The following GLIS3 variants were observed in gnomAD, a reference collection of about 807,000 sequenced individuals.
GLIS3 encodes the protein GLIS family zinc finger 3, also known as zinc finger protein GLIS3.
In GLIS3, 53 loss-of-function variants were observed where a neutral mutation model predicts 78.6. That is an observed-to-expected ratio of 0.67 (90% confidence interval 0.54 to 0.85). The LOEUF (loss-of-function observed/expected upper bound fraction) is 0.85. GLIS3 is among the 40% of genes least tolerant of loss of function. GLIS3 has a pLI of 0.00. For synonymous variants in GLIS3, 684 were observed against 509.9 expected (o/e 1.34, Z -4.60); for missense variants, 1,703 against 1,231.1 (o/e 1.38, Z -5.74).
chr9:4,400,498 C>T, the GLIS3 span, among the ~76,000 whole-genome samples: 1 of 152,182 alleles, frequency 6.6e-6, no homozygotes, highest in South Asian at 2.1e-4. Context: ...AACCTTTGTT[C>T]CTCTGATTAT....
At chr9:4,114,230 G>A (rs1431426494) in intron 4 of GLIS3, among the ~76,000 whole-genome samples, 3 of 152,092 alleles carry the variant, frequency 2.0e-5, no homozygotes, top group Non-Finnish European at 2.9e-5. Context: ...CACACTTACT[G>A]GGCACCGTTA....
At chr9:4,221,435 A>G (rs371256416) in intron 2 of GLIS3, among the ~76,000 whole-genome samples, 2 of 152,244 alleles carry the variant, frequency 1.3e-5, no homozygotes. Flanking sequence ...AAACATGTGC[A>G]AAACACATGT....
At chr9:4,339,981 G>T (rs1224135293) in intron 2 of GLIS3, among the ~76,000 whole-genome samples, 1 of 150,914 alleles carries the variant, frequency 6.6e-6, no homozygotes, top group Non-Finnish European at 1.5e-5. Flanking sequence ...TCTCTCATTT[G>T]GTATTGACCA....
At chr9:3,860,239 C>A (rs1054304051) in intron 8 of GLIS3, among the ~76,000 whole-genome samples, 4 of 114,890 alleles carry the variant, frequency 3.5e-5, no homozygotes, top group Non-Finnish European at 6.7e-5. Context: ...AGTGACACTG[C>A]ACTCCAGCCT....
At chr9:4,408,590 G>A in the GLIS3 span, among the ~76,000 whole-genome samples, 23 of 149,626 alleles carry the variant, frequency 1.5e-4, no homozygotes, top group East Asian at 5.9e-4. Flanking sequence ...AGCCGGGCGC[G>A]GTGGCGGGCG....
At chr9:4,416,252 T>TTTTAAAAAAAAAAA in the GLIS3 span, among the ~76,000 whole-genome samples, 1 of 75,840 alleles carries the variant, frequency 1.3e-5, no homozygotes, top group African/African-American at 5.3e-5. Context: ...ACACTGTTTT[T>TTTTAAAAAAAAAAA]AAAAAAAAAA....
At chr9:4,016,472 C>G (rs1421309793) in intron 4 of GLIS3, among the ~76,000 whole-genome samples, 1 of 152,138 alleles carries the variant, frequency 6.6e-6, no homozygotes, top group Non-Finnish European at 1.5e-5. Flanking sequence ...AACAAAGGGA[C>G]TTGATGAGCT....
rs114784937 is a variant in GLIS3, at chr9:4,219,874, C to T, written c.388+66164G>A. On this transcript the variant is annotated intron_variant, in intron 2 of 10. Transcript: ENST00000381971. ...CTGAGAGAGCCTAGAAGCAATGACA[C>T]CTTAGTAGCAATAAGCACACCCAGC... 5.3e-3 allele frequency among the ~76,000 whole-genome samples: 801 copies of T among 152,200 alleles called. 4 individuals are homozygous for T. Among genetic ancestry groups the T allele is most frequent in the African/African-American group, 0.019 (778 of 41,506 alleles).
chr9:3,832,556 T>A (rs1818109965), intron 9 of GLIS3, among the ~76,000 whole-genome samples: 1 of 152,136 alleles, frequency 6.6e-6, no homozygotes, highest in Non-Finnish European at 1.5e-5. Flanking sequence ...CATGTCTGAG[T>A]GGTTTGAGGG....
intron 2 of GLIS3, among the ~76,000 whole-genome samples, chr9:4,261,895 C>T (rs1445766336): frequency 6.6e-6 from 1 of 152,196 alleles, no homozygotes; most frequent in Non-Finnish European, 1.5e-5. Context: ...AATTATAGCA[C>T]ATCGCAACTA....
At chr9:4,391,196 T>G in the GLIS3 span, among the ~76,000 whole-genome samples, 40 of 152,150 alleles carry the variant, frequency 2.6e-4, no homozygotes, top group African/African-American at 9.4e-4. Flanking sequence ...TGATCCCCCT[T>G]TCATAGATGC....
intron 2 of GLIS3, among the ~76,000 whole-genome samples, chr9:4,258,146 A>C (rs1450640067): frequency 6.6e-6 from 1 of 152,126 alleles, no homozygotes; most frequent in Non-Finnish European, 1.5e-5. Context: ...TACTTTCCTA[A>C]TTCTACAATG....
chr9:4,126,244 G>C (rs556944087), intron 2 of GLIS3, among the ~76,000 whole-genome samples: 1 of 152,288 alleles, frequency 6.6e-6, no homozygotes, highest in South Asian at 2.1e-4. Context: ...AAGGGTTAAG[G>C]TGGTAAGTAG....
At chr9:4,238,947 T>C (rs1013322216) in intron 2 of GLIS3, among the ~76,000 whole-genome samples, 2 of 152,050 alleles carry the variant, frequency 1.3e-5, no homozygotes, top group African/African-American at 4.8e-5. Flanking sequence ...ACGTTGTTTT[T>C]TGTCCCTGCA....
At chr9:4,037,584 AG>A (rs1305097716) in intron 4 of GLIS3, among the ~76,000 whole-genome samples, 1 of 150,364 alleles carries the variant, frequency 6.7e-6, no homozygotes, top group African/African-American at 2.5e-5. Flanking sequence ...ACACACACAC[AG>A]AGACAATAAA....
chr9:4,370,679 AGT>A, the GLIS3 span, among the ~76,000 whole-genome samples: 3 of 151,102 alleles, frequency 2.0e-5, no homozygotes, highest in Admixed American at 1.3e-4. Context: ...TACATAATAG[AGT>A]GTATTTTATA....
At chr9:4,323,168 G>A (rs966884422) in intron 2 of GLIS3, among the ~76,000 whole-genome samples, 1 of 152,066 alleles carries the variant, frequency 6.6e-6, no homozygotes, top group African/African-American at 2.4e-5. Flanking sequence ...TATTAAATAG[G>A]GAATCCTTTC....
At chr9:4,060,724 G>C (rs974783164) in intron 4 of GLIS3, among the ~76,000 whole-genome samples, 6 of 152,202 alleles carry the variant, frequency 3.9e-5, no homozygotes, top group Non-Finnish European at 5.9e-5. Flanking sequence ...GAATTCCTCA[G>C]CTTCCACAAC....
rs189953202 is a variant in GLIS3 at position 4,151,703 on chromosome 9, G to A, written c.389-25762C>T. On this transcript the variant is annotated intron_variant, in intron 2 of 10. Transcript: ENST00000381971. Reference sequence around the variant, plus strand: ...GTTCTAAGGAAAAAATCTGCCTTCAGGAGTCCTAAACAATGAAAGCGCTCT... The same window carrying A: ...GTTCTAAGGAAAAAATCTGCCTTCAAGAGTCCTAAACAATGAAAGCGCTCT... Among the ~76,000 whole-genome samples the A allele has an allele frequency of 1.1e-4, 16 of 152,272 alleles. No individual in the cohort carries two copies. The East Asian group carries it at 2.9e-3, about 28-fold the overall frequency.
Sources: allele counts gnomAD v4.1 joint callset (sites outside exome capture counted in the v4.1 genomes callset), GRCh38; gene constraint gnomAD v4.1.1; transcripts MANE v1.5; gene names NCBI Gene and HGNC (gene_info 2026-07-23, HGNC 2026-07-21).